Variants in POLA1 observed in about 807,000 individuals in gnomAD.
POLA1 encodes DNA polymerase alpha catalytic subunit.
A neutral mutation model predicts 124.0 loss-of-function variants in POLA1; 15 were observed. The ratio of observed to expected loss-of-function variants is 0.12; its 90% CI spans 0.08 to 0.19. The LOEUF (loss-of-function observed/expected upper bound fraction) is 0.19. POLA1 is among the 10% of genes least tolerant of loss of function. POLA1 has a pLI of 1.00. For missense variants in POLA1, 886 were observed against 1,103.4 expected (o/e 0.80, Z 2.79); for synonymous variants, 408 against 389.4 (o/e 1.05, Z -0.56).
intron 22 of POLA1, 148 bp from the exon 23 acceptor site, chrX:24,743,082 A>G (rs748354764): frequency 7.8e-4 from 271 of 346,022 alleles, no homozygotes; most frequent in Non-Finnish European, 1.1e-3. Context: ...TGAACATATT[A>G]CAATAACTGT....
chrX:24,809,874 A>C, intron 26 of POLA1, 24 bp from the exon 27 acceptor site: 2 of 973,663 alleles, frequency 2.1e-6, no homozygotes, highest in Non-Finnish European at 2.9e-6. Flanking sequence ...GTAACTTATT[A>C]ATCTTGACTT....
chrX:24,894,251 G>T (rs865787777), intron 35 of POLA1, among the ~76,000 whole-genome samples: 2 of 112,213 alleles, frequency 1.8e-5, no homozygotes, highest in African/African-American at 6.5e-5. Context: ...TTTCTGTTAA[G>T]TCTGTTCAGA....
At chrX:24,737,130 A>C (rs1004329924) in intron 18 of POLA1, among the ~76,000 whole-genome samples, 7 of 111,585 alleles carry the variant, frequency 6.3e-5, no homozygotes, top group Non-Finnish European at 1.1e-4. Context: ...ATCAATTATG[A>C]GTCTAAATCA....
chrX:24,726,817 A>G (rs1006976660), intron 13 of POLA1, 116 bp from the exon 14 acceptor site: 10 of 482,347 alleles, frequency 2.1e-5, no homozygotes, highest in Non-Finnish European at 3.3e-5. Context: ...ATATATATCA[A>G]AGGGGTTTTC....
At chrX:24,881,593 G>C (rs776819924) in intron 34 of POLA1, among the ~76,000 whole-genome samples, 4 of 111,494 alleles carry the variant, frequency 3.6e-5, no homozygotes, top group Non-Finnish European at 5.6e-5. Context: ...GGTAGAGACT[G>C]GGGAGGACAG....
At chrX:24,873,042 A>G (rs1019686921) in intron 34 of POLA1, among the ~76,000 whole-genome samples, 3 of 111,147 alleles carry the variant, frequency 2.7e-5, no homozygotes, top group African/African-American at 9.8e-5. Context: ...TTGATACATC[A>G]TCACCCAGAG....
chrX:24,918,207 C>CA lies in POLA1; in HGVS notation c.4165-12231dup, dbSNP rs764856044. On this transcript the variant is annotated intron_variant, in intron 35 of 36. Coordinates refer to ENST00000379068, the MANE Select transcript of POLA1 (RefSeq NM_001330360.2). Reference sequence around the variant, plus strand: ...TGATACACACCCCACCCATCACCACCAAAAAAAAAAAAAAAGCACACCATT... The same window carrying CA: ...TGATACACACCCCACCCATCACCACCAAAAAAAAAAAAAAAAGCACACCATT... Among the ~76,000 whole-genome samples the CA allele has an allele frequency of 4.4e-3, 364 of 82,408 alleles. 2 individuals are homozygous for CA. Among genetic ancestry groups the CA allele is most frequent in the African/African-American group, 7.5e-3 (170 of 22,751 alleles). 71.6% of individuals were successfully genotyped at this position (82,408 alleles called of 115,157 possible).
intron 8 of POLA1, 111 bp downstream of exon 8, chrX:24,717,082 T>A: frequency 1.7e-6 from 1 of 573,287 alleles, no homozygotes; most frequent in Non-Finnish European, 2.8e-6. Flanking sequence ...TGATGGCAAG[T>A]TTAAATGTGA....
At chrX:24,864,380 G>A (rs950060111) in intron 34 of POLA1, among the ~76,000 whole-genome samples, 1 of 112,260 alleles carries the variant, frequency 8.9e-6, no homozygotes, top group African/African-American at 3.2e-5. Context: ...TAACTCTGTA[G>A]TTAGCATCCT....
chrX:24,751,206 C>T (rs1932304475), intron 26 of POLA1, among the ~76,000 whole-genome samples: 1 of 111,219 alleles, frequency 9.0e-6, no homozygotes, highest in Admixed American at 9.6e-5. Flanking sequence ...TTACATTTTC[C>T]ACATTGGCTC....
At chrX:24,764,977 C>A (rs1447247222) in intron 26 of POLA1, among the ~76,000 whole-genome samples, 1 of 111,083 alleles carries the variant, frequency 9.0e-6, no homozygotes, top group Non-Finnish European at 1.9e-5. Context: ...TGCTTTGATT[C>A]CTCATTGACT....
At chrX:24,741,143 G>C (rs1399420878) in intron 20 of POLA1, among the ~76,000 whole-genome samples, 1 of 83,970 alleles carries the variant, frequency 1.2e-5, no homozygotes, top group African/African-American at 3.7e-5. Flanking sequence ...GTGTGTGTGT[G>C]TGTGCGCGCG....
At chrX:24,897,386 C>T (rs2047221288) in intron 35 of POLA1, among the ~76,000 whole-genome samples, 1 of 93,129 alleles carries the variant, frequency 1.1e-5, no homozygotes, top group Non-Finnish European at 2.1e-5. Context: ...CCCACCTCAG[C>T]AGAGGGAAGG....
chrX:24,702,967 T>G (rs1299951405), intron 2 of POLA1, among the ~76,000 whole-genome samples: 2 of 112,242 alleles, frequency 1.8e-5, no homozygotes, highest in Non-Finnish European at 3.8e-5. Context: ...ATTCAGTTTG[T>G]TTTTTATGAA....
chrX:24,879,827 G>A (rs1260790278), intron 34 of POLA1, among the ~76,000 whole-genome samples: 6 of 111,763 alleles, frequency 5.4e-5, no homozygotes, highest in African/African-American at 1.3e-4. Flanking sequence ...AGTCTTTTAA[G>A]TATATTTTCC....
chrX:24,816,969 C>T (rs1271548601), intron 30 of POLA1, among the ~76,000 whole-genome samples: 1 of 111,724 alleles, frequency 9.0e-6, no homozygotes, highest in Non-Finnish European at 1.9e-5. Flanking sequence ...TATCATGGAT[C>T]CTCATGTATT....
At chrX:24,806,889 G>A (rs2045810518) in intron 26 of POLA1, among the ~76,000 whole-genome samples, 1 of 111,847 alleles carries the variant, frequency 8.9e-6, no homozygotes, top group Non-Finnish European at 1.9e-5. Context: ...GGGGTACTAT[G>A]TAGTCATTAG....
At chrX:24,825,880 A>G (rs1194394441) in intron 31 of POLA1, among the ~76,000 whole-genome samples, 3 of 111,590 alleles carry the variant, frequency 2.7e-5, no homozygotes, top group Non-Finnish European at 3.8e-5. Flanking sequence ...TTACTACTCT[A>G]TAGATTTCAT....
chrX:24,801,970 T>TGTGA (rs1339175196), intron 26 of POLA1, among the ~76,000 whole-genome samples: 3 of 106,024 alleles, frequency 2.8e-5, no homozygotes, highest in Non-Finnish European at 3.9e-5. Context: ...TGTGTGTGTG[T>TGTGA]GACATTTATT....
Sources: gnomAD v4.1 joint callset for allele counts (sites outside exome capture counted in the v4.1 genomes callset) on GRCh38, gnomAD v4.1.1 for gene constraint, MANE v1.5 for transcripts, NCBI Gene and HGNC (gene_info 2026-07-23, HGNC 2026-07-21) for gene names.